CEP192: variants seen among roughly 807,000 people sequenced by gnomAD.
CEP192 encodes the protein centrosomal protein 192.
Under a neutral mutation model 271.8 loss-of-function variants are expected in CEP192, and 151 were observed. That is an observed-to-expected ratio of 0.56 (90% CI 0.49 to 0.64). The LOEUF is 0.64. Ranked by LOEUF, CEP192 falls within the 30% of genes least tolerant of loss-of-function variation. The pLI is 0.00. For synonymous variants in CEP192, 995 were observed against 1,076.5 expected, an observed-to-expected ratio of 0.92 and a Z score of 1.48; for missense variants, 2,910 against 3,020.5, an observed-to-expected ratio of 0.96 and a Z score of 0.86.
chr18:13,010,862 A>G (rs900982279), intron 4 of CEP192, among the ~76,000 whole-genome samples: 18 of 151,728 alleles, frequency 1.2e-4, no homozygotes, highest in Admixed American at 1.3e-4. Flanking sequence ...GAAAAAAAAA[A>G]GTTGTACAAA....
chr18:13,099,338 T>C (rs550349275), intron 36 of CEP192, 138 bp from the exon 37 acceptor site: 2 of 553,528 alleles, frequency 3.6e-6, no homozygotes, highest in South Asian at 5.1e-5. Flanking sequence ...GGGAGCCGCA[T>C]GGGAGTGAGC....
At chr18:12,996,589 T>C (rs1295487746) in intron 1 of CEP192, among the ~76,000 whole-genome samples, 3 of 152,038 alleles carry the variant, frequency 2.0e-5, no homozygotes, top group Non-Finnish European at 4.4e-5. Context: ...GGTGAGTTGA[T>C]GGAAGAAGTT....
chr18:13,024,995 C>G (rs988105529), intron 9 of CEP192, among the ~76,000 whole-genome samples: 1 of 151,742 alleles, frequency 6.6e-6, no homozygotes, highest in Admixed American at 6.6e-5. Context: ...TGGTCTCGAA[C>G]TCCTGACCTC....
At chr18:13,071,724 G>GT (rs141539952) in intron 28 of CEP192, among the ~76,000 whole-genome samples, 20,702 of 151,128 alleles carry the variant, frequency 0.14, 1,550 homozygotes, top group East Asian at 0.31. Flanking sequence ...GTTTGTTGTT[G>GT]TTTTTTTTTG....
chr18:13,008,335 C>CT, intron 3 of CEP192, 121 bp from the exon 4 acceptor site: 1 of 707,156 alleles, frequency 1.4e-6, no homozygotes, highest in Non-Finnish European at 2.4e-6. Context: ...TCAAATGTTT[C>CT]TTTTTATTGC....
rs746997670 is a variant in CEP192 at position 12,999,382 on chromosome 18, A to G, written c.-4-39A>G. On this transcript the variant is annotated intron_variant, in intron 1 of 44. Transcript: ENST00000506447. Reference sequence around the variant, plus strand: ...TTTTAATCATTTAAAAACATTTTATAGTAATATGTGACCTATAGAAATACT... The same window carrying G: ...TTTTAATCATTTAAAAACATTTTATGGTAATATGTGACCTATAGAAATACT... 652 of 1,348,822 alleles carry G rather than the reference A, an allele frequency of 4.8e-4. 3 individuals carry two copies. The highest frequency in any genetic ancestry group is 1.2e-3 in the South Asian group (74 of 62,860). The allele number at this position is 1,348,822 out of a possible 1,614,324, so 83.6% of individuals were successfully genotyped here. A position where few individuals can be genotyped will look rare whatever the true frequency, so the allele number is the denominator to read the frequency against.
chr18:13,058,395 G>A (rs1457445098), intron 20 of CEP192: 1 of 152,406 alleles, frequency 6.6e-6, no homozygotes, highest in African/African-American at 2.4e-5. Flanking sequence ...CAGTATTGGT[G>A]GATGCTTCCC....
chr18:13,099,585 CT>C lies in CEP192; in HGVS notation c.6663+8del. On this transcript the variant is annotated splice_donor_5th_base_variant and intron_variant, in intron 37 of 44. Transcript: ENST00000506447. ...ACACTGTGACGATGGACAGAAGGTA[CT>C]TTTAAAAGTGGTTTGGTTTTTTTTT... 1 of 1,473,916 alleles carries C rather than the reference CT, an allele frequency of 6.8e-7. No homozygotes were observed. The highest frequency in any genetic ancestry group is 9.2e-7 in the Non-Finnish European group (1 of 1,086,862). The allele number at this position is 1,473,916 out of a possible 1,614,324, so 91.3% of individuals were successfully genotyped here.
At chr18:13,028,436 G>A (rs1288658692) in intron 9 of CEP192, among the ~76,000 whole-genome samples, 1 of 152,160 alleles carries the variant, frequency 6.6e-6, no homozygotes, top group Non-Finnish European at 1.5e-5. Flanking sequence ...AAGAATATAA[G>A]ACAATCATCT....
intron 40 of CEP192, among the ~76,000 whole-genome samples, chr18:13,110,201 G>T (rs540611301): frequency 1.3e-5 from 2 of 152,032 alleles, no homozygotes; most frequent in South Asian, 4.2e-4. Flanking sequence ...AATCCAGCTG[G>T]GTTTTGTTTT....
At chr18:13,047,209 C>T (rs774181464) in intron 15 of CEP192, among the ~76,000 whole-genome samples, 40 of 152,250 alleles carry the variant, frequency 2.6e-4, no homozygotes, top group Admixed American at 9.8e-4. Context: ...CACTTTCATT[C>T]GTTTATTGGA....
intron 25 of CEP192, 45 bp from the exon 26 acceptor site, chr18:13,069,044 C>G: frequency 6.2e-7 from 1 of 1,614,040 alleles, no homozygotes; most frequent in Non-Finnish European, 8.5e-7. Flanking sequence ...GCTGATTTCA[C>G]TTTGTGACAG....
chr18:13,046,436 C>T (rs2036485419), intron 15 of CEP192, among the ~76,000 whole-genome samples: 1 of 152,100 alleles, frequency 6.6e-6, no homozygotes, highest in African/African-American at 2.4e-5. Flanking sequence ...TTGAATCTGC[C>T]CACTTTATTT....
chr18:13,086,707 A>G (rs2038913762), intron 30 of CEP192, among the ~76,000 whole-genome samples: 1 of 152,192 alleles, frequency 6.6e-6, no homozygotes, highest in Non-Finnish European at 1.5e-5. Context: ...TTTACTCTAT[A>G]AACTTCTTAA....
chr18:12,993,895 T>A (rs371006140), intron 1 of CEP192, among the ~76,000 whole-genome samples: 1 of 152,244 alleles, frequency 6.6e-6, no homozygotes, highest in African/African-American at 2.4e-5. Flanking sequence ...GATTCTTTCT[T>A]AAAACTCGTT....
chr18:13,021,677 A>C (rs190900563), intron 9 of CEP192, among the ~76,000 whole-genome samples: 40 of 152,284 alleles, frequency 2.6e-4, no homozygotes, highest in Admixed American at 1.3e-4. Context: ...ATTTTGTTGA[A>C]TCTACAGGTC....
chr18:12,996,390 G>C (rs564841766), intron 1 of CEP192, among the ~76,000 whole-genome samples: 17 of 151,320 alleles, frequency 1.1e-4, no homozygotes, highest in Non-Finnish European at 1.9e-4. Flanking sequence ...GAAGGCTGAA[G>C]GGCAGGCATT....
chr18:13,100,284 C>A (rs775846234), intron 37 of CEP192, 21 bp from the exon 38 acceptor site: 1 of 1,555,218 alleles, frequency 6.4e-7, no homozygotes, highest in Non-Finnish European at 8.9e-7. Flanking sequence ...GTAGCTTATC[C>A]CTTTATTTGG....
intron 17 of CEP192, among the ~76,000 whole-genome samples, chr18:13,051,495 AACTT>A (rs745751674): frequency 9.2e-5 from 14 of 152,248 alleles, no homozygotes; most frequent in Non-Finnish European, 1.8e-4. Context: ...GTTGGTTAGA[AACTT>A]ACTAACTGGT....
Sources: gnomAD v4.1 joint callset for allele counts (sites outside exome capture counted in the v4.1 genomes callset) on GRCh38, gnomAD v4.1.1 for gene constraint, MANE v1.5 for transcripts, NCBI Gene and HGNC (gene_info 2026-07-23, HGNC 2026-07-21) for gene names.